C2: variants seen among roughly 807,000 people sequenced by gnomAD.
C2 encodes the protein complement C2.
C2 carries 64 observed loss-of-function variants against 85.2 expected under a neutral mutation model. The ratio of observed to expected loss-of-function variants is 0.75; its 90% CI spans 0.61 to 0.92. The LOEUF (loss-of-function observed/expected upper bound fraction) is 0.92. Among genes scored for constraint, C2 ranks in the 40% least tolerant of loss-of-function variants. The pLI is 0.00. For missense variants in C2, 820 were observed against 971.6 expected (o/e 0.84, Z 2.07); for synonymous variants, 311 against 370.8 (o/e 0.84, Z 1.85).
chr6:31,908,844 T>C (rs1196578041), intron 1 of C2, among the ~76,000 whole-genome samples: 1 of 151,966 alleles, frequency 6.6e-6, no homozygotes, highest in Non-Finnish European at 1.5e-5. Flanking sequence ...GTTACATACA[T>C]TGTTTTTAGA....
intron 1 of C2, among the ~76,000 whole-genome samples, chr6:31,903,079 C>T (rs9267665): frequency 0.072 from 11,006 of 152,148 alleles, 616 homozygotes; most frequent in African/African-American, 0.14. Context: ...CACTTAGGAG[C>T]GTCTTGAAGG....
At position 31,922,645 on chromosome 6, in the gene C2, C is replaced by G. The variant is rs376190957; in HGVS notation, c.-100+2619C>G. Among the ~76,000 whole-genome samples, 27 of 152,208 alleles carry G rather than the reference C, an allele frequency of 1.8e-4. No individual in the cohort carries two copies. In the East Asian group the frequency reaches 4.6e-3, roughly 26 times the overall value. ...TCACCTGAGGTCAGGAGTTTGAGAC[C>G]AGCCTGACCAGCATGGTGAAACCCC... On this transcript the variant is annotated intron_variant, in intron 1 of 3. Transcript: ENST00000413154. This position sits in a 1 kb window ranked among gnomAD's most constrained non-coding sequence, Gnocchi z 4.8.
In C2 at chr6:31,944,303, GGCT is replaced by G. The variant is rs1164003614; in HGVS notation, c.1902+81_1902+83del. 2 of 1,065,534 alleles carry G rather than the reference GGCT, an allele frequency of 1.9e-6. No individual in the cohort carries two copies. Among genetic ancestry groups the G allele is most frequent in the East Asian group, 4.7e-5 (2 of 42,334 alleles). 66.0% of individuals were successfully genotyped at this position (1,065,534 alleles called of 1,614,324 possible). A position where few individuals can be genotyped will look rare whatever the true frequency, so the allele number is the denominator to read the frequency against. On this transcript the variant is annotated intron_variant, in intron 15 of 17. Transcript: ENST00000299367. This position sits in a 1 kb window ranked among gnomAD's most constrained non-coding sequence, Gnocchi z 5.1. ...ATGTCTCTCTTCCTTCTCCAGGTCT[GGCT>G]GCTTTCTCTCTCTGACGCGGGTCAC...
chr6:31,928,110 G>A lies in C2; in HGVS notation c.202G>A (p.Gly68Arg), dbSNP rs780894869. The A allele has an allele frequency of 3.7e-6, 6 of 1,613,616 alleles. No homozygotes were observed. Among genetic ancestry groups the A allele is most frequent in the East Asian group, 2.2e-5 (1 of 44,888 alleles). The change falls in exon 2 of 18, where the codon GGA (glycine) becomes AGA (arginine). Residue 68 changes from glycine to arginine, a missense_variant. By Grantham distance (125) the Gly-to-Arg change is moderately radical (BLOSUM62 -2). Transcript: ENST00000299367. The stretch of plus-strand genomic sequence containing the variant: ...AGCATCACGGCTGTGCAAGAGCAGC[G>A]GACAGTGGCAGACCCCAGGAGCCAC... The part of the protein sequence containing the change: ...SPASRLCKSS[G>R]QWQTPGATRS...
At chr6:31,925,315 CAG>C (rs1325987970), upstream of C2, among the ~76,000 whole-genome samples, 2 of 151,682 alleles carry the variant, frequency 1.3e-5, no homozygotes, top group Non-Finnish European at 2.9e-5. Flanking sequence ...TTTTTTGAGA[CAG>C]AGTCTCCCTA....
chr6:31,919,810 C>G (rs1399334829), upstream of C2: 1 of 152,198 alleles, frequency 6.6e-6, no homozygotes, highest in African/African-American at 2.4e-5. Flanking sequence ...TCAGTTGTCC[C>G]CATACCACAA....
chr6:31,903,326 T>C (rs759285195), intron 1 of C2, among the ~76,000 whole-genome samples: 16 of 152,248 alleles, frequency 1.1e-4, no homozygotes, highest in Non-Finnish European at 2.4e-4. Context: ...GGTTTTGTTT[T>C]GCAAATAAAA....
rs772267694 is a variant in C2 at position 31,944,129 on chromosome 6, C to CTA, written c.1811-3_1811-2dup. The CTA allele has an allele frequency of 7.1e-4, 1,145 of 1,607,608 alleles. No homozygotes were observed. The highest frequency in any genetic ancestry group is 8.7e-4 in the Non-Finnish European group (1,022 of 1,175,028). On this transcript the variant is annotated splice_region_variant and splice_polypyrimidine_tract_variant and intron_variant, in intron 14 of 17. Transcript: ENST00000299367. The surrounding 1 kb of genome is among the most constrained non-coding windows in gnomAD (Gnocchi z 5.1). Reference sequence around the variant, plus strand: ...CAGCACCAACATCCCCTTCTCTTGACTATAGAGAATGAACTGCTGAACAAA... The same window carrying CTA: ...CAGCACCAACATCCCCTTCTCTTGACTATATAGAGAATGAACTGCTGAACAAA...
At chr6:31,924,571 G>A (rs1302864310), upstream of C2, among the ~76,000 whole-genome samples, 2 of 152,170 alleles carry the variant, frequency 1.3e-5, no homozygotes, top group Non-Finnish European at 2.9e-5. Flanking sequence ...ACTTAAGCAG[G>A]AAGAGAGAAT....
intron 1 of C2, chr6:31,901,702 C>G (rs902215766): frequency 2.1e-5 from 5 of 238,698 alleles, no homozygotes; most frequent in African/African-American, 9.3e-5. Context: ...CTCCGCCCCC[C>G]CCTTACACGT....
chr6:31,933,837 C>G (rs774928519), intron 4 of C2, 30 bp from the exon 5 acceptor site: 7 of 1,613,490 alleles, frequency 4.3e-6, no homozygotes, highest in Non-Finnish European at 5.9e-6. Flanking sequence ...GCCACTGCCC[C>G]GGCTGACTCC....
At chr6:31,927,041 C>G (rs9332702), upstream of C2, among the ~76,000 whole-genome samples, 1,375 of 152,302 alleles carry the variant, frequency 9.0e-3, 8 homozygotes, top group Non-Finnish European at 0.012. This position sits in a 1 kb window ranked among gnomAD's most constrained non-coding sequence, Gnocchi z 4.7. Flanking sequence ...GGAATTTCAT[C>G]TACTAGACTT....
rs753107655 is a variant in C2, at chr6:31,943,371, G to A, written c.1456-45G>A. On this transcript the variant is annotated intron_variant, in intron 11 of 17. Coordinates refer to ENST00000299367, the MANE Select transcript of C2 (RefSeq NM_000063.6). This position sits in a 1 kb window ranked among gnomAD's most constrained non-coding sequence, Gnocchi z 6.4. The stretch of plus-strand genomic sequence containing the variant: ...GATTCCAGAGGTAAAAGCGGCCATG[G>A]GCCAGACATACTGCAATCTCTGAAA... 2 of 1,609,228 alleles carry A rather than the reference G, an allele frequency of 1.2e-6. No homozygotes were observed. The highest frequency in any genetic ancestry group is 1.3e-5 in the African/African-American group (1 of 74,840).
intron 1 of C2, among the ~76,000 whole-genome samples, chr6:31,911,247 C>T (rs769737325): frequency 2.0e-5 from 3 of 151,710 alleles, no homozygotes; most frequent in African/African-American, 2.4e-5. Flanking sequence ...TGCAGTGAGC[C>T]GAGATGGCGC....
At chr6:31,941,465 G>A (rs535479813) in intron 9 of C2, 11 of 152,340 alleles carry the variant, frequency 7.2e-5, no homozygotes, top group African/African-American at 2.6e-4. Flanking sequence ...CCCACTACCT[G>A]TGTCTTTGTG....
At chr6:31,916,357 G>C (rs1562564956), upstream of C2, among the ~76,000 whole-genome samples, 1 of 151,938 alleles carries the variant, frequency 6.6e-6, no homozygotes, top group African/African-American at 2.4e-5. Flanking sequence ...TCAGGAGTTC[G>C]AGACCAGCCT....
At chr6:31,936,346 C>T in intron 7 of C2, 1 of 469,162 alleles carries the variant, frequency 2.1e-6, no homozygotes, top group South Asian at 2.0e-5. Flanking sequence ...TGCACACTGC[C>T]ATCTCCCCAT....
At chr6:31,936,495 T>A (rs1427577089) in intron 7 of C2, 1 of 215,732 alleles carries the variant, frequency 4.6e-6, no homozygotes, top group African/African-American at 2.3e-5. Context: ...GCAATGAACA[T>A]TTCTTTTTTC....
chr6:31,924,806 T>C (rs1242701323), upstream of C2, among the ~76,000 whole-genome samples: 1 of 152,222 alleles, frequency 6.6e-6, no homozygotes, highest in African/African-American at 2.4e-5. Flanking sequence ...TTACAAAATA[T>C]AGCCATCAGT....
Sources: allele counts gnomAD v4.1 joint callset (sites outside exome capture counted in the v4.1 genomes callset), GRCh38; gene constraint gnomAD v4.1.1; non-coding constraint Gnocchi (gnomAD v3.1); transcripts MANE v1.5; gene names NCBI Gene and HGNC (gene_info 2026-07-23, HGNC 2026-07-21).